Variants in ZNF763 observed in about 807,000 individuals in gnomAD.
ZNF763 encodes the protein DNA-binding protein.
Under a neutral mutation model 38.0 loss-of-function variants are expected in ZNF763, and 33 were observed. The ratio of observed to expected loss-of-function variants is 0.87; its 90% confidence interval spans 0.66 to 1.16. ZNF763 has a LOEUF of 1.16. ZNF763 is among the 50% of genes most tolerant of loss of function. The pLI, the probability that ZNF763 is intolerant of heterozygous loss-of-function variation, is 0.00. For synonymous variants in ZNF763, 155 were observed against 160.1 expected (o/e 0.97, Z 0.24); for missense variants, 423 against 469.1 (o/e 0.90, Z 0.91).
At chr19:11,973,788 A>G (rs958347750) in intron 1 of ZNF763, among the ~76,000 whole-genome samples, 2 of 151,776 alleles carry the variant, frequency 1.3e-5, no homozygotes, top group Non-Finnish European at 2.9e-5. Flanking sequence ...TAAGGCTGCT[A>G]AAAATGTTTG....
At position 11,965,042 on chromosome 19, in the gene ZNF763, G is replaced by C; in HGVS notation, c.-167G>C. 1.3e-6 allele frequency: 1 copy of C among 796,910 alleles called. No individual in the cohort carries two copies. The highest frequency in any genetic ancestry group is 1.6e-5 in the South Asian group (1 of 64,442). 49.4% of individuals were successfully genotyped at this position (796,910 alleles called of 1,614,324 possible). On this transcript the variant is annotated 5_prime_UTR_variant, in exon 1 of 4. Transcript: ENST00000358987. ...CAGGCACAGAGTGGGTCGCATTCCT[G>C]TCCTCACCTTTGTCCTTGCGCAGCC...
At position 11,977,092 on chromosome 19, in the gene ZNF763, T is replaced by C. The variant is rs969329362; in HGVS notation, c.58T>C (p.Leu20=). ...AVNFTQEEWA[L]LDISQRKLYR... is the part of the protein sequence containing the mutation. Reference sequence around the variant, plus strand: ...GAACTTCACCCAGGAGGAGTGGGCTTTGCTGGATATTTCGCAGAGGAAACT... The same window carrying C: ...GAACTTCACCCAGGAGGAGTGGGCTCTGCTGGATATTTCGCAGAGGAAACT... Residue 20 remains leucine, a synonymous_variant, in exon 2 of 4, where the codon TTG becomes CTG. Transcript: ENST00000358987. 6.8e-6 allele frequency: 11 copies of C among 1,613,986 alleles called. No individual in the cohort carries two copies. Among genetic ancestry groups the C allele is most frequent in the African/African-American group, 2.7e-5 (2 of 74,890 alleles).
At chr19:11,971,375 A>T (rs1973347382) in intron 1 of ZNF763, among the ~76,000 whole-genome samples, 1 of 152,186 alleles carries the variant, frequency 6.6e-6, no homozygotes, top group African/African-American at 2.4e-5. Flanking sequence ...ATTCCCAGAG[A>T]TGTCAACTTC....
intron 1 of ZNF763, among the ~76,000 whole-genome samples, chr19:11,971,061 G>A (rs1467852744): frequency 6.6e-6 from 1 of 152,178 alleles, no homozygotes; most frequent in Non-Finnish European, 1.5e-5. Context: ...AAGCTGCAGT[G>A]TATAGTAGGG....
At position 11,979,286 on chromosome 19, in the gene ZNF763, A is replaced by G. The variant is rs1404826697; in HGVS notation, c.*177A>G. ...GGAGAGAAACCCTATGAGTGTAAGC[A>G]ATGTGGGAAAGCCTTCAGATGTGCC... is the stretch of plus-strand genomic sequence containing the variant. On this transcript the variant is annotated 3_prime_UTR_variant, in exon 4 of 4. Transcript: ENST00000358987. The G allele has an allele frequency of 6.2e-7, 1 of 1,613,182 alleles. No individual in the cohort carries two copies. The highest frequency in any genetic ancestry group is 8.5e-7 in the Non-Finnish European group (1 of 1,179,706).
At position 11,978,225 on chromosome 19, in the gene ZNF763, C is replaced by T. The variant is rs183150224; in HGVS notation, c.301C>T (p.Pro101Ser). 472 of 1,613,998 alleles carry T rather than the reference C, an allele frequency of 2.9e-4. 3 individuals carry two copies. In the African/African-American group the frequency reaches 5.8e-3, roughly 20 times the overall value. Residue 101 changes from proline to serine, a missense_variant, in exon 4 of 4, where the codon CCT (proline) becomes TCT (serine). Physicochemically the swap from Pro to Ser is moderately conservative, Grantham distance 74. Coordinates refer to ENST00000358987, the MANE Select transcript of ZNF763 (RefSeq NM_001367172.2). ...RLNFQEKKAS[P>S]EAKSCDNFVC... ...GAACTTCCAGGAGAAGAAAGCTTCTCCTGAAGCAAAATCATGTGATAACTT... is the reference window on the plus strand; with the variant it reads ...GAACTTCCAGGAGAAGAAAGCTTCTTCTGAAGCAAAATCATGTGATAACTT...
At chr19:11,965,949 G>A (rs1409906516) in intron 1 of ZNF763, among the ~76,000 whole-genome samples, 3 of 152,108 alleles carry the variant, frequency 2.0e-5, no homozygotes, top group African/African-American at 7.2e-5. Context: ...GGTGGTTGAG[G>A]GATTCTGTAG....
Position 11,970,236 on chromosome 19 carries a change from A to G in ZNF763, c.3+5025A>G, listed in dbSNP as rs181075140. ...CCTCTGGATTGTCTCAACTGTGAAG[A>G]GAGAAATATCCCAAAAGACAAGGAA... On this transcript the variant is annotated intron_variant, in intron 1 of 3. Coordinates refer to ENST00000358987, the MANE Select transcript of ZNF763 (RefSeq NM_001367172.2). Among the ~76,000 whole-genome samples, 5 of 152,326 alleles carry G rather than the reference A, an allele frequency of 3.3e-5. No homozygotes were observed. The East Asian group carries it at 9.6e-4, about 29-fold the overall frequency.
At chr19:11,973,770 G>A (rs1182947433) in intron 1 of ZNF763, among the ~76,000 whole-genome samples, 1 of 150,400 alleles carries the variant, frequency 6.6e-6, no homozygotes, top group East Asian at 1.9e-4. Context: ...GTTTTTGGCA[G>A]TTATGAGTAA....
At position 11,979,097 on chromosome 19, in the gene ZNF763, A is replaced by C. The variant is rs1298534726; in HGVS notation, c.1173A>C (p.Arg391Ser). The C allele has an allele frequency of 6.2e-7, 1 of 1,613,990 alleles. No individual in the cohort carries two copies. Among genetic ancestry groups the C allele is most frequent in the Non-Finnish European group, 8.5e-7 (1 of 1,179,990 alleles). The change falls in exon 4 of 4, where the codon AGA becomes AGC. Residue 391 changes from arginine to serine, a missense_variant. Physicochemically the swap from Arg to Ser is moderately radical, Grantham distance 110. Transcript: ENST00000358987. ...FSNTPKNALW[R>S]KTL ...ACACACCTAAGAATGCGCTCTGGAG[A>C]AAGACCTTATAAATGTTAGATATGT...
At chr19:11,974,415 T>C (rs2145337557) in intron 1 of ZNF763, among the ~76,000 whole-genome samples, 1 of 151,902 alleles carries the variant, frequency 6.6e-6, no homozygotes, top group South Asian at 2.1e-4. Context: ...CGGGGTGGTC[T>C]CAAATTTCTG....
chr19:11,967,433 C>G (rs1470231039), intron 1 of ZNF763, among the ~76,000 whole-genome samples: 5 of 151,934 alleles, frequency 3.3e-5, no homozygotes, highest in Admixed American at 6.5e-5. Flanking sequence ...GAGACGGAGT[C>G]TCGCTCTGTT....
At position 11,978,622 on chromosome 19, in the gene ZNF763, G is replaced by A. The variant is rs772147586; in HGVS notation, c.698G>A (p.Cys233Tyr). 3 of 1,614,030 alleles carry A rather than the reference G, an allele frequency of 1.9e-6. No individual in the cohort carries two copies. Among genetic ancestry groups the A allele is most frequent in the Non-Finnish European group, 2.5e-6 (3 of 1,180,022 alleles). ...TGEKPYECKQ[C>Y]VKSFSYSATH... ...GAGAAACCGTATGAATGTAAACAAT[G>A]TGTTAAATCCTTTAGTTATTCTGCT... Residue 233 changes from cysteine to tyrosine, a missense_variant, in exon 4 of 4, where the codon TGT (cysteine) becomes TAT (tyrosine). Coordinates refer to ENST00000358987, the MANE Select transcript of ZNF763 (RefSeq NM_001367172.2).
chr19:11,976,619 C>A (rs1018543579), intron 1 of ZNF763, among the ~76,000 whole-genome samples: 3 of 148,760 alleles, frequency 2.0e-5, no homozygotes, highest in African/African-American at 7.5e-5. Context: ...GTAATTTCAG[C>A]ACTTTGGGAG....
At chr19:11,966,105 G>C (rs1446236147) in intron 1 of ZNF763, among the ~76,000 whole-genome samples, 1 of 152,144 alleles carries the variant, frequency 6.6e-6, no homozygotes, top group South Asian at 2.1e-4. Flanking sequence ...GAATTCCAAG[G>C]CATGACTTAC....
At chr19:11,974,076 T>TCTTA (rs1491444433) in intron 1 of ZNF763, among the ~76,000 whole-genome samples, 105 of 67,806 alleles carry the variant, frequency 1.5e-3, no homozygotes, top group Middle Eastern at 6.0e-3. Context: ...TTCTTTTCTT[T>TCTTA]CTTTCTTTCT....
Position 11,978,359 on chromosome 19 carries a change from G to A in ZNF763, c.435G>A (p.Lys145=), listed in dbSNP as rs368204344. ...EYQDYAPKPY[K]CQQPKKAFRY... Reference sequence around the variant, plus strand: ...AGGACTATGCACCAAAGCCATATAAGTGTCAACAACCTAAGAAAGCCTTCA... The same window carrying A: ...AGGACTATGCACCAAAGCCATATAAATGTCAACAACCTAAGAAAGCCTTCA... Residue 145 remains lysine (K), a synonymous_variant, in exon 4 of 4, where the codon AAG becomes AAA. Coordinates refer to ENST00000358987, the MANE Select transcript of ZNF763 (RefSeq NM_001367172.2). 1.2e-4 allele frequency: 190 copies of A among 1,614,052 alleles called. No homozygotes were observed. The highest frequency in any genetic ancestry group is 1.8e-4 in the Admixed American group (11 of 59,996).
Position 11,978,529 on chromosome 19 carries a change from G to T in ZNF763, c.605G>T (p.Cys202Phe). Residue 202 changes from cysteine to phenylalanine, a missense_variant, in exon 4 of 4, where the codon TGT becomes TTT. Physicochemically the swap from Cys to Phe is radical, Grantham distance 205. Coordinates refer to ENST00000358987, the MANE Select transcript of ZNF763 (RefSeq NM_001367172.2). Reference protein sequence around the residue: ...VMHSGDGPYKCKFCGKAVHCL... With the variant: ...VMHSGDGPYKFKFCGKAVHCL... ...CACAGTGGGGATGGACCTTATAAAT[G>T]TAAGTTTTGTGGGAAAGCTGTCCAT... is the stretch of plus-strand genomic sequence containing the variant. The T allele has an allele frequency of 5.0e-6, 8 of 1,614,212 alleles. No homozygotes were observed. The highest frequency in any genetic ancestry group is 6.8e-6 in the Non-Finnish European group (8 of 1,180,030).
At position 11,977,382 on chromosome 19, in the gene ZNF763, A is replaced by G; in HGVS notation, c.142A>G (p.Lys48Glu). ...TGTCTGTATTTTAGGGAAAAAGTGG[A>G]AAGACCAGAACATTGAATATGAGTA... ...RNLTSIGKKW[K>E]DQNIEYEYQN... is the part of the protein sequence containing the mutation. The change falls in exon 3 of 4, where the codon AAA (lysine) becomes GAA (glutamate). Residue 48 changes from lysine (K) to glutamate (E), a missense_variant. Physicochemically the swap from Lys to Glu is moderately conservative, Grantham distance 56. Transcript: ENST00000358987. The G allele has an allele frequency of 6.2e-7, 1 of 1,613,876 alleles. No individual in the cohort carries two copies. The highest frequency in any genetic ancestry group is 1.7e-4 in the Middle Eastern group (1 of 6,054).
Sources: gnomAD v4.1 joint callset for allele counts (sites outside exome capture counted in the v4.1 genomes callset) on GRCh38, gnomAD v4.1.1 for gene constraint, MANE v1.5 for transcripts, NCBI Gene and HGNC (gene_info 2026-07-23, HGNC 2026-07-21) for gene names.